The following MAF variants were observed in gnomAD, a reference collection of about 807,000 sequenced individuals.
MAF encodes transcription factor Maf.
A neutral mutation model predicts 22.0 loss-of-function variants in MAF; 10 were observed. The observed-to-expected ratio is 0.45, with a 90% confidence interval of 0.28 to 0.77. MAF has a LOEUF of 0.77. Among genes scored for constraint, MAF ranks in the 30% least tolerant of loss-of-function variants. The pLI is 0.12. For synonymous variants in MAF, 337 were observed against 255.8 expected (o/e 1.32, Z -3.03); for missense variants, 544 against 548.4 (o/e 0.99, Z 0.08).
At chr16:79,446,940 GA>G in the MAF span, among the ~76,000 whole-genome samples, 1 of 151,610 alleles carries the variant, frequency 6.6e-6, no homozygotes, top group Non-Finnish European at 1.5e-5. Flanking sequence ...AAAAGAGAGA[GA>G]AAAAAACAGA....
At chr16:79,348,145 T>A in the MAF span, among the ~76,000 whole-genome samples, 1 of 152,234 alleles carries the variant, frequency 6.6e-6, no homozygotes, top group East Asian at 1.9e-4. Context: ...CCCCTTTGGA[T>A]GGCCAAACGG....
chr16:79,550,455 T>C, the MAF span, among the ~76,000 whole-genome samples: 2 of 152,122 alleles, frequency 1.3e-5, no homozygotes, highest in Middle Eastern at 3.2e-3. Flanking sequence ...TCCCAGGTCT[T>C]TGACTCTTCC....
chr16:79,476,731 G>T, the MAF span, among the ~76,000 whole-genome samples: 1 of 152,196 alleles, frequency 6.6e-6, no homozygotes, highest in Non-Finnish European at 1.5e-5. Context: ...TGAGAAGGCT[G>T]ACAAGATGAC....
At chr16:79,204,286 G>A in the MAF span, 1 of 152,072 alleles carries the variant, frequency 6.6e-6, no homozygotes, top group African/African-American at 2.4e-5. Flanking sequence ...GTTCTAATGA[G>A]ACAGCCTCTC....
chr16:79,591,180 G>T (rs1040440423), downstream of MAF, among the ~76,000 whole-genome samples: 4 of 152,296 alleles, frequency 2.6e-5, no homozygotes, highest in African/African-American at 9.6e-5. Flanking sequence ...TCTCAGCTTG[G>T]AAACGGTCAA....
intron 1 of MAF, 167 bp from the exon 2 acceptor site, chr16:79,594,720 A>AT: frequency 7.0e-7 from 1 of 1,432,730 alleles, no homozygotes; most frequent in Non-Finnish European, 9.1e-7. Flanking sequence ...AAGAAAAAAA[A>AT]AACATGTATT....
the MAF span, among the ~76,000 whole-genome samples, chr16:79,274,254 CTT>C: frequency 0.021 from 3,035 of 145,670 alleles, 37 homozygotes; most frequent in Non-Finnish European, 0.03. Flanking sequence ...TTTGCCCAGC[CTT>C]TTTTTTTTTT....
the MAF span, among the ~76,000 whole-genome samples, chr16:79,303,037 T>C: frequency 6.6e-6 from 1 of 152,200 alleles, no homozygotes; most frequent in Non-Finnish European, 1.5e-5. Context: ...AACATGCTTT[T>C]ATCTGAAACT....
chr16:79,232,143 G>A, the MAF span, among the ~76,000 whole-genome samples: 5 of 152,014 alleles, frequency 3.3e-5, no homozygotes, highest in South Asian at 4.1e-4. Context: ...CTCTTACTGC[G>A]CATTCCAGTT....
chr16:79,283,889 G>A, the MAF span, among the ~76,000 whole-genome samples: 4 of 151,500 alleles, frequency 2.6e-5, no homozygotes, highest in Admixed American at 6.6e-5. Flanking sequence ...TCTCCTGCAC[G>A]GGGTAGCTGG....
At chr16:79,284,707 G>C in the MAF span, among the ~76,000 whole-genome samples, 1 of 152,180 alleles carries the variant, frequency 6.6e-6, no homozygotes, top group Admixed American at 6.5e-5. Context: ...ACAGGAAAAT[G>C]TCAAACTTTC....
chr16:79,521,083 A>C, the MAF span, among the ~76,000 whole-genome samples: 1 of 152,232 alleles, frequency 6.6e-6, no homozygotes. Flanking sequence ...GAATTCAATA[A>C]AATAATGAAG....
chr16:79,576,231 T>TAAAAAAAAAA, the MAF span, among the ~76,000 whole-genome samples: 1 of 43,012 alleles, frequency 2.3e-5, no homozygotes, highest in Non-Finnish European at 4.8e-5. Context: ...CCTGTGGTAC[T>TAAAAAAAAAA]AAAAAAAAAA....
chr16:79,207,064 C>G, the MAF span, among the ~76,000 whole-genome samples: 1 of 152,170 alleles, frequency 6.6e-6, no homozygotes, highest in Non-Finnish European at 1.5e-5. Context: ...GTTATAGCCT[C>G]TCCTGGGGGA....
the MAF span, among the ~76,000 whole-genome samples, chr16:79,249,010 C>T: frequency 4.6e-4 from 70 of 152,086 alleles, no homozygotes; most frequent in Admixed American, 7.9e-4. Context: ...TTTGTGTACC[C>T]CCAAAATTCA....
the MAF span, among the ~76,000 whole-genome samples, chr16:79,370,155 G>A: frequency 2.6e-5 from 4 of 152,132 alleles, no homozygotes; most frequent in Non-Finnish European, 5.9e-5. Flanking sequence ...AAGTATACTT[G>A]GAGAGTTTCT....
the MAF span, among the ~76,000 whole-genome samples, chr16:79,469,363 G>C: frequency 1.3e-5 from 2 of 152,126 alleles, no homozygotes; most frequent in East Asian, 1.9e-4. Context: ...AAAAACATAA[G>C]CTCGGGATTC....
At chr16:79,565,586 T>C in the MAF span, among the ~76,000 whole-genome samples, 1 of 151,972 alleles carries the variant, frequency 6.6e-6, no homozygotes, top group Non-Finnish European at 1.5e-5. Flanking sequence ...TGAGTTCTCA[T>C]GAGATCTGAT....
the MAF span, among the ~76,000 whole-genome samples, chr16:79,439,517 C>T: frequency 2.5e-4 from 38 of 152,238 alleles, no homozygotes; most frequent in South Asian, 2.3e-3. Flanking sequence ...ACCTCGGCCT[C>T]CCAAAGTGCC....
Sources: gnomAD v4.1 joint callset for allele counts (sites outside exome capture counted in the v4.1 genomes callset) on GRCh38, gnomAD v4.1.1 for gene constraint, MANE v1.5 for transcripts, NCBI Gene and HGNC (gene_info 2026-07-23, HGNC 2026-07-21) for gene names.